Variants in ZBTB25 observed in about 807,000 individuals in gnomAD.
ZBTB25 encodes zinc finger and BTB domain containing 25.
In ZBTB25, 20 loss-of-function variants were observed where a neutral mutation model predicts 34.2. The observed-to-expected ratio is 0.58, with a 90% CI of 0.41 to 0.85. The LOEUF (loss-of-function observed/expected upper bound fraction) is 0.85. Ranked by LOEUF, ZBTB25 falls within the 40% of genes least tolerant of loss-of-function variation. ZBTB25 has a pLI of 0.00. For synonymous variants in ZBTB25, 175 were observed against 186.4 expected (o/e 0.94, Z 0.50); for missense variants, 437 against 521.8 (o/e 0.84, Z 1.58).
intron 1 of ZBTB25, among the ~76,000 whole-genome samples, chr14:64,495,244 T>A (rs1250605563): frequency 3.3e-5 from 5 of 152,238 alleles, no homozygotes. Context: ...GACAATTACC[T>A]TAGCTGGACT....
At chr14:64,503,859 G>C (rs1218641022), upstream of ZBTB25, 1 of 151,628 alleles carries the variant, frequency 6.6e-6, no homozygotes, top group Non-Finnish European at 1.5e-5. Flanking sequence ...GCCGGGGTGT[G>C]CGTGCGTGCG....
At chr14:64,500,730 C>G (rs2079463545) in intron 1 of ZBTB25, among the ~76,000 whole-genome samples, 1 of 151,648 alleles carries the variant, frequency 6.6e-6, no homozygotes, top group South Asian at 2.1e-4. Flanking sequence ...GGGAAAAACT[C>G]AAATGTCCAT....
chr14:64,477,613 T>G (rs1286234460), downstream of ZBTB25, among the ~76,000 whole-genome samples: 1 of 152,210 alleles, frequency 6.6e-6, no homozygotes, highest in Non-Finnish European at 1.5e-5. Context: ...CAAATATGTT[T>G]TCACCTTCAA....
chr14:64,476,373 C>G (rs112199121), downstream of ZBTB25, among the ~76,000 whole-genome samples: 1,786 of 152,314 alleles, frequency 0.012, 33 homozygotes, highest in South Asian at 0.082. Flanking sequence ...TTGCCTAGGC[C>G]GGAGTGCAGT....
chr14:64,458,565 G>C (rs1447320145), intron 2 of ZBTB25: 1 of 502,840 alleles, frequency 2.0e-6, no homozygotes, highest in Non-Finnish European at 3.6e-6. Context: ...GAAAACTGCT[G>C]TCCAATAAAC....
chr14:64,490,073 T>C (rs1043655863), intron 2 of ZBTB25, among the ~76,000 whole-genome samples: 3 of 150,272 alleles, frequency 2.0e-5, no homozygotes, highest in African/African-American at 7.3e-5. Flanking sequence ...CCGGGCGTGG[T>C]GGCAGGCGCC....
intron 1 of ZBTB25, 158 bp downstream of exon 1, chr14:64,503,503 G>C: frequency 1.0e-6 from 1 of 985,396 alleles, no homozygotes; most frequent in Non-Finnish European, 1.2e-6. Context: ...TTCCTCCTGT[G>C]CCCTGCCTGA....
At position 64,503,195 on chromosome 14, in the gene ZBTB25, A is replaced by G. The variant is rs552923915; in HGVS notation, c.-8+466T>C. 2.5e-5 allele frequency: 25 copies of G among 985,368 alleles called. No individual in the cohort carries two copies. In the South Asian group the frequency reaches 7.5e-4, roughly 30 times the overall value. The allele number at this position is 985,368 out of a possible 1,614,324, so 61.0% of individuals were successfully genotyped here. On this transcript the variant is annotated intron_variant, in intron 1 of 2. Coordinates refer to ENST00000608382, the MANE Select transcript of ZBTB25 (RefSeq NM_006977.5). Reference sequence around the variant, plus strand: ...TAATTTGAAGATAGAAAAGGGGGGGATGTCTTCTTGCCCTAGAAACGAGGT... The same window carrying G: ...TAATTTGAAGATAGAAAAGGGGGGGGTGTCTTCTTGCCCTAGAAACGAGGT...
chr14:64,495,815 T>C (rs1430056479), intron 1 of ZBTB25, among the ~76,000 whole-genome samples: 2 of 151,654 alleles, frequency 1.3e-5, no homozygotes, highest in Non-Finnish European at 2.9e-5. Flanking sequence ...AATTAGCGGG[T>C]GTGGTGGCAC....
At chr14:64,459,828 G>C (rs1275170037) in intron 2 of ZBTB25, 1 of 1,535,894 alleles carries the variant, frequency 6.5e-7, no homozygotes, top group African/African-American at 1.4e-5. Context: ...CTGGGAGTTA[G>C]GAAGTATAAG....
At chr14:64,469,745 T>C in intron 2 of ZBTB25, 2 of 1,174,160 alleles carry the variant, frequency 1.7e-6, no homozygotes, top group South Asian at 3.3e-5. Flanking sequence ...ATTTGTGGCA[T>C]TTCTTACTCA....
intron 2 of ZBTB25, among the ~76,000 whole-genome samples, chr14:64,459,593 T>G (rs906135414): frequency 1.3e-5 from 2 of 152,212 alleles, no homozygotes; most frequent in African/African-American, 2.4e-5. Context: ...CCATGCATCA[T>G]TTTCAAGTCC....
Position 64,487,821 on chromosome 14 carries a change from T to C in ZBTB25, c.410A>G (p.Gln137Arg). The C allele has an allele frequency of 1.9e-6, 3 of 1,614,192 alleles. No homozygotes were observed. The highest frequency in any genetic ancestry group is 2.5e-6 in the Non-Finnish European group (3 of 1,180,042). ...NLYGIQISTT[Q>R]KTVVKQGLEV... ...CAGTCCTTGTTTGACAACTGTTTTTTGGGTTGTTGAGATCTGAATGCCATA... is the reference window on the plus strand; with the variant it reads ...CAGTCCTTGTTTGACAACTGTTTTTCGGGTTGTTGAGATCTGAATGCCATA... Residue 137 changes from glutamine (Q) to arginine (R), a missense_variant, in exon 3 of 3, where the codon CAA becomes CGA. By Grantham distance (43) the Gln-to-Arg change is conservative (BLOSUM62 1). Coordinates refer to ENST00000608382, the MANE Select transcript of ZBTB25 (RefSeq NM_006977.5).
chr14:64,450,356 A>G (rs1190229766), intron 2 of ZBTB25, among the ~76,000 whole-genome samples: 1 of 152,228 alleles, frequency 6.6e-6, no homozygotes, highest in Non-Finnish European at 1.5e-5. Flanking sequence ...AGGGGAAAGA[A>G]GTGTGCCCCC....
chr14:64,486,430 A>G lies in ZBTB25; in HGVS notation c.*493T>C. 8.2e-6 allele frequency: 8 copies of G among 977,102 alleles called. No homozygotes were observed. Among genetic ancestry groups the G allele is most frequent in the Non-Finnish European group, 9.7e-6 (8 of 822,266 alleles). The allele number at this position is 977,102 out of a possible 1,614,324, so 60.5% of individuals were successfully genotyped here. On this transcript the variant is annotated 3_prime_UTR_variant, in exon 3 of 3. Coordinates refer to ENST00000608382, the MANE Select transcript of ZBTB25 (RefSeq NM_006977.5). ...TATATCTTAAAATAAATTTTTATAC[A>G]TTATAACATATGTATAACATACAGT...
Position 64,485,354 on chromosome 14 carries a change from A to G in ZBTB25, c.*1569T>C. 1 of 985,446 alleles carries G rather than the reference A, an allele frequency of 1.0e-6. No homozygotes were observed. The highest frequency in any genetic ancestry group is 1.2e-6 in the Non-Finnish European group (1 of 829,914). The allele number at this position is 985,446 out of a possible 1,614,324, so 61.0% of individuals were successfully genotyped here. A position where few individuals can be genotyped will look rare whatever the true frequency, so the allele number is the denominator to read the frequency against. On this transcript the variant is annotated 3_prime_UTR_variant, in exon 3 of 3. Transcript: ENST00000608382. Reference sequence around the variant, plus strand: ...CAAATGCCCGTGAAGCTTAGAATTTAACAAGAGGGCAAAAAAAGATGAGTC... The same window carrying G: ...CAAATGCCCGTGAAGCTTAGAATTTGACAAGAGGGCAAAAAAAGATGAGTC...
rs561206268 is a variant in ZBTB25, at chr14:64,503,595, T to C, written c.-8+66A>G. 1.3e-4 allele frequency: 129 copies of C among 985,428 alleles called. No homozygotes were observed. In the African/African-American group the frequency reaches 2.0e-3, roughly 15 times the overall value. 61.0% of individuals were successfully genotyped at this position (985,428 alleles called of 1,614,324 possible). The stretch of plus-strand genomic sequence containing the variant: ...CTGGTGCAGCTGCAGGCCGCCGCCC[T>C]GGGTGGCTCGCGGCAGGAGGGACTG... On this transcript the variant is annotated intron_variant, in intron 1 of 2. Transcript: ENST00000608382.
chr14:64,499,753 C>G (rs562486112), intron 1 of ZBTB25, among the ~76,000 whole-genome samples: 102 of 152,252 alleles, frequency 6.7e-4, no homozygotes, highest in Non-Finnish European at 1.4e-3. Context: ...AAAAATGATA[C>G]AGAAATTCTA....
At position 64,492,544 on chromosome 14, in the gene ZBTB25, T is replaced by TTTTTCATATTGA. The variant is rs2079119849; in HGVS notation, c.-7-2005_-7-2004insTCAATATGAAAA. On this transcript the variant is annotated intron_variant, in intron 1 of 2. Transcript: ENST00000608382. Reference sequence around the variant, plus strand: ...ATTTCAGCATGTGAAAAACGTGTCTTAGAATCAATGAAATGGTTCATATTG... The same window carrying TTTTTCATATTGA: ...ATTTCAGCATGTGAAAAACGTGTCTTTTTTCATATTGAAGAATCAATGAAATGGTTCATATTG... 2.0e-5 allele frequency among the ~76,000 whole-genome samples: 3 copies of TTTTTCATATTGA among 151,704 alleles called. No individual in the cohort carries two copies. The South Asian group carries it at 6.2e-4, about 32-fold the overall frequency.
Sources: gnomAD v4.1 joint callset for allele counts (sites outside exome capture counted in the v4.1 genomes callset) on GRCh38, gnomAD v4.1.1 for gene constraint, MANE v1.5 for transcripts, NCBI Gene and HGNC (gene_info 2026-07-23, HGNC 2026-07-21) for gene names.